GABRB2: variants seen among roughly 807,000 people sequenced by gnomAD.
The protein encoded by GABRB2 is gamma-aminobutyric acid receptor subunit beta-2.
GABRB2 carries 16 observed loss-of-function variants against 54.7 expected under a neutral mutation model. The ratio of observed to expected loss-of-function variants is 0.29; its 90% CI spans 0.20 to 0.44. GABRB2 has a LOEUF of 0.44. GABRB2 is among the 20% of genes least tolerant of loss of function. The pLI is 1.00. For synonymous variants in GABRB2, 244 were observed against 233.8 expected (o/e 1.04, Z -0.40); for missense variants, 355 against 644.0 (o/e 0.55, Z 4.86).
chr5:161,407,497 G>A (rs569293946), intron 5 of GABRB2, among the ~76,000 whole-genome samples: 5 of 151,904 alleles, frequency 3.3e-5, no homozygotes, highest in South Asian at 2.1e-4. Flanking sequence ...CTAAAGCATC[G>A]GCACACCTGG....
rs1757387410 is a variant in GABRB2, at chr5:161,296,608, G to A, written c.1192-2180C>T. ...TCTGTTTCATTATCCAAATTCAAGAGTTGAATTAGGTAATTCATAAAGTTC... is the reference window on the plus strand; with the variant it reads ...TCTGTTTCATTATCCAAATTCAAGAATTGAATTAGGTAATTCATAAAGTTC... On this transcript the variant is annotated intron_variant, in intron 9 of 9. Transcript: ENST00000393959. Among the ~76,000 whole-genome samples the A allele has an allele frequency of 2.6e-5, 4 of 152,016 alleles. No homozygotes were observed. The South Asian group carries it at 8.3e-4, about 32-fold the overall frequency.
At chr5:161,392,924 C>A (rs1296708486) in intron 5 of GABRB2, among the ~76,000 whole-genome samples, 1 of 151,924 alleles carries the variant, frequency 6.6e-6, no homozygotes, top group Admixed American at 6.6e-5. Context: ...GTATATTATT[C>A]AAACTTTTTA....
At position 161,288,957 on chromosome 5, in the gene GABRB2, A is replaced by G. The variant is rs1285045639; in HGVS notation, c.*5124T>C. ...AACTCAAATTATTGAACCAAAAACA[A>G]AAACAAAAACAAACTGATGGAACTG... On this transcript the variant is annotated 3_prime_UTR_variant, in exon 10 of 10. Transcript: ENST00000393959. 6.6e-6 allele frequency: 1 copy of G among 152,194 alleles called. No individual in the cohort carries two copies. Among genetic ancestry groups the G allele is most frequent in the African/African-American group, 2.4e-5 (1 of 41,452 alleles). The allele number at this position is 152,194 out of a possible 1,614,324, so 9.4% of individuals were successfully genotyped here.
chr5:161,537,360 AAT>A (rs1760671023), intron 3 of GABRB2, among the ~76,000 whole-genome samples: 2 of 152,144 alleles, frequency 1.3e-5, no homozygotes, highest in African/African-American at 2.4e-5. Flanking sequence ...TATATTTTCC[AAT>A]CGCCTGCTGG....
chr5:161,470,961 A>C (rs1363348714), intron 3 of GABRB2, among the ~76,000 whole-genome samples: 1 of 151,996 alleles, frequency 6.6e-6, no homozygotes, highest in African/African-American at 2.4e-5. Flanking sequence ...TGCTTCCTGC[A>C]TGGGTTTTAA....
At chr5:161,385,157 G>A (rs1347568689) in intron 5 of GABRB2, among the ~76,000 whole-genome samples, 1 of 152,110 alleles carries the variant, frequency 6.6e-6, no homozygotes, top group Non-Finnish European at 1.5e-5. Context: ...TTTAAACTAA[G>A]AGGCTCCATC....
intron 3 of GABRB2, among the ~76,000 whole-genome samples, chr5:161,476,763 T>A (rs1361188706): frequency 6.6e-6 from 1 of 151,944 alleles, no homozygotes; most frequent in Non-Finnish European, 1.5e-5. Flanking sequence ...GTTGGGCTCT[T>A]ATTTTATACC....
At chr5:161,501,371 C>T (rs1049397329) in intron 3 of GABRB2, among the ~76,000 whole-genome samples, 2 of 151,832 alleles carry the variant, frequency 1.3e-5, no homozygotes, top group Non-Finnish European at 2.9e-5. Flanking sequence ...AATTAATTAC[C>T]TTTCAACAGA....
At chr5:161,299,813 A>G (rs1206886355) in intron 9 of GABRB2, among the ~76,000 whole-genome samples, 2 of 152,192 alleles carry the variant, frequency 1.3e-5, no homozygotes, top group Non-Finnish European at 2.9e-5. Context: ...AAAGATCTCA[A>G]CAACTCTATA....
chr5:161,411,392 A>T (rs1260405824), intron 4 of GABRB2, among the ~76,000 whole-genome samples: 1 of 152,188 alleles, frequency 6.6e-6, no homozygotes, highest in African/African-American at 2.4e-5. Context: ...ATCACTGCTG[A>T]CTGAGAATGT....
chr5:161,479,034 A>G (rs1011547073), intron 3 of GABRB2, among the ~76,000 whole-genome samples: 3 of 152,076 alleles, frequency 2.0e-5, no homozygotes, highest in Non-Finnish European at 4.4e-5. Flanking sequence ...AGAACCTGAG[A>G]GGAAGACCAA....
chr5:161,345,789 C>T (rs1754304987), intron 5 of GABRB2, among the ~76,000 whole-genome samples: 1 of 152,058 alleles, frequency 6.6e-6, no homozygotes, highest in African/African-American at 2.4e-5. Flanking sequence ...GATAGTCTTC[C>T]CCTCTAGACT....
chr5:161,507,093 A>G (rs971543175), intron 3 of GABRB2, among the ~76,000 whole-genome samples: 13 of 152,074 alleles, frequency 8.5e-5, no homozygotes, highest in African/African-American at 2.9e-4. Flanking sequence ...AAATTAAAGG[A>G]CATTCTGAAA....
At chr5:161,407,541 C>A (rs1756382800) in intron 5 of GABRB2, among the ~76,000 whole-genome samples, 1 of 152,016 alleles carries the variant, frequency 6.6e-6, no homozygotes, top group East Asian at 1.9e-4. Flanking sequence ...GAACTCATTC[C>A]TAAACAGCAA....
chr5:161,511,870 C>CT (rs1759781451), intron 3 of GABRB2, among the ~76,000 whole-genome samples: 1 of 152,000 alleles, frequency 6.6e-6, no homozygotes, highest in Non-Finnish European at 1.5e-5. Flanking sequence ...CCTAACCTCA[C>CT]TTTAACTTGA....
chr5:161,414,751 T>TA (rs1247648753), intron 4 of GABRB2, among the ~76,000 whole-genome samples: 4 of 150,936 alleles, frequency 2.7e-5, no homozygotes, highest in East Asian at 3.9e-4. Flanking sequence ...ATTATAATAA[T>TA]AAAACAAATA....
chr5:161,294,319 T>A lies in GABRB2; in HGVS notation c.1301A>T (p.Tyr434Phe), dbSNP rs1757321098. ...CCGATACTGGATGCTGGAGGCATCA[T>A]AGGCTAGCATTGTGCTTCTGGGGTC... is the stretch of plus-strand genomic sequence containing the variant. ...LGDPRSTMLAYDASSIQYRKA... is the reference protein window; with the variant it reads ...LGDPRSTMLAFDASSIQYRKA... Residue 434 changes from tyrosine (Y) to phenylalanine (F), a missense_variant, in exon 10 of 10, where the codon TAT (tyrosine) becomes TTT (phenylalanine). Coordinates refer to ENST00000393959, the MANE Select transcript of GABRB2 (RefSeq NM_001371727.1). 6.2e-7 allele frequency: 1 copy of A among 1,614,154 alleles called. No individual in the cohort carries two copies. Among genetic ancestry groups the A allele is most frequent in the African/African-American group, 1.3e-5 (1 of 75,042 alleles).
chr5:161,320,368 GAC>G (rs34929714), intron 9 of GABRB2, among the ~76,000 whole-genome samples: 49,134 of 151,238 alleles, frequency 0.32, 8,617 homozygotes, highest in African/African-American at 0.46. Context: ...TTGTATCTTT[GAC>G]ACACGTGACT....
intron 5 of GABRB2, among the ~76,000 whole-genome samples, chr5:161,365,004 A>G (rs976280293): frequency 6.6e-6 from 1 of 152,146 alleles, no homozygotes; most frequent in Non-Finnish European, 1.5e-5. Flanking sequence ...CATGATCACA[A>G]ATGTATGCTT....
Sources: allele counts gnomAD v4.1 joint callset (sites outside exome capture counted in the v4.1 genomes callset), GRCh38; gene constraint gnomAD v4.1.1; transcripts MANE v1.5; gene names NCBI Gene and HGNC (gene_info 2026-07-23, HGNC 2026-07-21).